The following HLCS variants were observed in gnomAD, a reference collection of about 807,000 sequenced individuals.
HLCS encodes biotin--protein ligase.
In HLCS, 53 loss-of-function variants were observed where a neutral mutation model predicts 75.0. That is an observed-to-expected ratio of 0.71 (90% confidence interval 0.57 to 0.89). The LOEUF is 0.89. Ranked by LOEUF, HLCS falls within the 40% of genes least tolerant of loss-of-function variation. The pLI is 0.00. For synonymous variants in HLCS, 431 were observed against 428.6 expected (o/e 1.01, Z -0.07); for missense variants, 966 against 1,074.0 (o/e 0.90, Z 1.41).
intron 5 of HLCS, among the ~76,000 whole-genome samples, chr21:36,911,159 T>C (rs2065687842): frequency 6.6e-6 from 1 of 152,222 alleles, no homozygotes; most frequent in African/African-American, 2.4e-5. Flanking sequence ...ACAGCAGTAA[T>C]GGGCTACAGC....
chr21:36,870,768 A>C (rs2063740918), intron 6 of HLCS, among the ~76,000 whole-genome samples: 1 of 152,212 alleles, frequency 6.6e-6, no homozygotes, highest in Non-Finnish European at 1.5e-5. Flanking sequence ...ATCAAGGCTA[A>C]AATTCAAATA....
intron 5 of HLCS, among the ~76,000 whole-genome samples, chr21:36,927,958 C>T (rs2066478636): frequency 6.6e-6 from 1 of 152,074 alleles, no homozygotes; most frequent in Non-Finnish European, 1.5e-5. Flanking sequence ...AAGATCCTCT[C>T]CATGGAACTT....
chr21:36,945,252 A>G (rs1048083788), intron 2 of HLCS, among the ~76,000 whole-genome samples: 6 of 152,026 alleles, frequency 3.9e-5, no homozygotes, highest in African/African-American at 1.2e-4. Flanking sequence ...AAACCACATC[A>G]TATGTTGTAC....
At chr21:36,961,087 C>T (rs1022350094) in intron 2 of HLCS, among the ~76,000 whole-genome samples, 7 of 152,142 alleles carry the variant, frequency 4.6e-5, no homozygotes, top group African/African-American at 1.7e-4. Flanking sequence ...GGAGGAGGTG[C>T]GAGGAAAAGC....
chr21:36,794,123 G>A (rs2060955847), intron 6 of HLCS, among the ~76,000 whole-genome samples: 1 of 152,244 alleles, frequency 6.6e-6, no homozygotes, highest in Admixed American at 6.5e-5. Context: ...GCTCCTGGGA[G>A]CAAACCCATG....
At chr21:36,928,197 G>A (rs1306180401) in intron 5 of HLCS, among the ~76,000 whole-genome samples, 3 of 152,250 alleles carry the variant, frequency 2.0e-5, no homozygotes, top group Non-Finnish European at 2.9e-5. Flanking sequence ...TAGAGAACTT[G>A]TATTCCAAGA....
chr21:36,874,358 C>T (rs904188037), intron 6 of HLCS, among the ~76,000 whole-genome samples: 3 of 151,162 alleles, frequency 2.0e-5, no homozygotes. Flanking sequence ...GCCGAGATCG[C>T]GCCACTGCAC....
intron 5 of HLCS, among the ~76,000 whole-genome samples, chr21:36,921,148 G>A (rs2146447947): frequency 6.6e-6 from 1 of 152,260 alleles, no homozygotes; most frequent in Non-Finnish European, 1.5e-5. Flanking sequence ...AGTTTTCTGA[G>A]AAGAATATTC....
chr21:36,835,008 T>C (rs559274919), intron 6 of HLCS, among the ~76,000 whole-genome samples: 11 of 152,314 alleles, frequency 7.2e-5, no homozygotes, highest in African/African-American at 2.6e-4. Flanking sequence ...AGAAGCCTTC[T>C]CGAGAACAGA....
rs921352043 is a variant in HLCS at position 36,856,507 on chromosome 21, C to T, written c.1892+40353G>A. On this transcript the variant is annotated intron_variant, in intron 6 of 10. Coordinates refer to ENST00000674895, the MANE Select transcript of HLCS (RefSeq NM_001352514.2). The stretch of plus-strand genomic sequence containing the variant: ...TATCTCAGATTGCAAATAAATACCA[C>T]GGCTTCTATGGGTCGAAAAGACATA... 1.1e-4 allele frequency among the ~76,000 whole-genome samples: 17 copies of T among 152,276 alleles called. No homozygotes were observed. In the South Asian group the frequency reaches 2.5e-3, roughly 22 times the overall value.
intron 6 of HLCS, among the ~76,000 whole-genome samples, chr21:36,787,138 T>C (rs1055067302): frequency 7.9e-5 from 12 of 152,174 alleles, no homozygotes; most frequent in Non-Finnish European, 1.8e-4. Flanking sequence ...ATGGACTTCC[T>C]AGGTTTTCAC....
At chr21:36,964,645 TA>T (rs959150582) in intron 1 of HLCS, among the ~76,000 whole-genome samples, 1 of 152,098 alleles carries the variant, frequency 6.6e-6, no homozygotes, top group Non-Finnish European at 1.5e-5. Flanking sequence ...AGAGCAGAGT[TA>T]CAGAATCCAT....
At chr21:36,782,582 G>A (rs948508911) in intron 6 of HLCS, among the ~76,000 whole-genome samples, 2 of 152,122 alleles carry the variant, frequency 1.3e-5, no homozygotes, top group Non-Finnish European at 2.9e-5. Flanking sequence ...TCCACAAAAC[G>A]TGTTCCATGG....
In HLCS at chr21:36,750,526, C is replaced by T. The variant is rs572578662; in HGVS notation, c.*3720G>A. Reference sequence around the variant, plus strand: ...TTAAAAGTCCTATCAGCCCTGCCTTCGTCCCTTCCGCCCTAAGCCCTAAGA... The same window carrying T: ...TTAAAAGTCCTATCAGCCCTGCCTTTGTCCCTTCCGCCCTAAGCCCTAAGA... On this transcript the variant is annotated 3_prime_UTR_variant, in exon 11 of 11. Transcript: ENST00000674895. Among the ~76,000 whole-genome samples the T allele has an allele frequency of 1.3e-5, 2 of 152,242 alleles. No individual in the cohort carries two copies. Among genetic ancestry groups the T allele is most frequent in the East Asian group, 3.9e-4 (2 of 5,190 alleles).
chr21:36,931,622 G>T (rs139152975), intron 4 of HLCS, among the ~76,000 whole-genome samples: 1 of 151,858 alleles, frequency 6.6e-6, no homozygotes, highest in Non-Finnish European at 1.5e-5. Context: ...TGGGTGGTGC[G>T]GCTGTAGTCC....
At chr21:36,950,981 A>C (rs900823474) in intron 2 of HLCS, among the ~76,000 whole-genome samples, 2 of 151,978 alleles carry the variant, frequency 1.3e-5, no homozygotes, top group African/African-American at 4.8e-5. Flanking sequence ...GATGCAGCAG[A>C]GAGACAGGAC....
chr21:36,920,520 ATAATT>A (rs1164431379), intron 5 of HLCS, among the ~76,000 whole-genome samples: 1 of 152,116 alleles, frequency 6.6e-6, no homozygotes, highest in Non-Finnish European at 1.5e-5. Flanking sequence ...CTAAAATAAT[ATAATT>A]TGTTTGTAAT....
At chr21:36,939,683 T>C (rs2067054072) in intron 2 of HLCS, among the ~76,000 whole-genome samples, 1 of 152,142 alleles carries the variant, frequency 6.6e-6, no homozygotes, top group Non-Finnish European at 1.5e-5. Context: ...CAGTTCTTAC[T>C]ACAGAAGACC....
intron 6 of HLCS, among the ~76,000 whole-genome samples, chr21:36,888,404 C>T (rs1418511936): frequency 1.5e-5 from 2 of 136,534 alleles, no homozygotes; most frequent in East Asian, 4.3e-4. Context: ...AGCTATTCTC[C>T]CCAATGCGAT....
Sources: gnomAD v4.1 joint callset for allele counts (sites outside exome capture counted in the v4.1 genomes callset) on GRCh38, gnomAD v4.1.1 for gene constraint, MANE v1.5 for transcripts, NCBI Gene and HGNC (gene_info 2026-07-23, HGNC 2026-07-21) for gene names.